Variants in BIN1 observed in about 807,000 individuals in gnomAD.
BIN1 encodes myc box-dependent-interacting protein 1.
A neutral mutation model predicts 82.0 loss-of-function variants in BIN1; 53 were observed. The ratio of observed to expected loss-of-function variants is 0.65; its 90% CI spans 0.52 to 0.81. BIN1 has a LOEUF of 0.81. BIN1 is among the 40% of genes least tolerant of loss of function. The pLI, the probability that BIN1 is intolerant of heterozygous loss-of-function variation, is 0.00. For missense variants in BIN1, 642 were observed against 784.4 expected (o/e 0.82, Z 2.17); for synonymous variants, 302 against 328.0 (o/e 0.92, Z 0.86).
chr2:127,051,113 G>C (rs375659793), intron 16 of BIN1, 41 bp downstream of exon 16: 10 of 1,607,316 alleles, frequency 6.2e-6, no homozygotes, highest in Middle Eastern at 1.8e-4. Context: ...GCAGGCGGGC[G>C]GCAGGGAGGA....
At position 127,059,056 on chromosome 2, in the gene BIN1, G is replaced by C. The variant is rs2276579; in HGVS notation, c.957C>G (p.Ala319=). 1.9e-6 allele frequency: 3 copies of C among 1,576,176 alleles called. No homozygotes were observed. In the African/African-American group the frequency reaches 4.0e-5, roughly 21 times the overall value. ...EIRVNHEPEP[A]GGATPGATLP... is the part of the protein sequence containing the mutation. Reference sequence around the variant, plus strand: ...GGGTGGCCCCGGGCGTGGCCCCGCCGGCCGGCTCTGGCTCGTGGTTGACTC... The same window carrying C: ...GGGTGGCCCCGGGCGTGGCCCCGCCCGCCGGCTCTGGCTCGTGGTTGACTC... The change falls in exon 11 of 19, where the codon GCC becomes GCG. Residue 319 remains alanine (A), a synonymous_variant. Coordinates refer to ENST00000316724, the MANE Select transcript of BIN1 (RefSeq NM_139343.3). This position sits in a 1 kb window ranked among gnomAD's most constrained non-coding sequence, Gnocchi z 6.7.
chr2:127,072,839 A>G (rs2105098732), intron 2 of BIN1, among the ~76,000 whole-genome samples: 1 of 152,240 alleles, frequency 6.6e-6, no homozygotes. Flanking sequence ...GGAAGGGTCC[A>G]CCTCACTCCT....
At chr2:127,060,483 A>T in intron 10 of BIN1, 5 of 1,506,112 alleles carry the variant, frequency 3.3e-6, no homozygotes, top group Non-Finnish European at 4.6e-6. Flanking sequence ...GCAGCACTGC[A>T]CACAGAGCCA....
chr2:127,051,376 C>A (rs2104869552), intron 15 of BIN1, 133 bp from the exon 16 acceptor site: 3 of 875,774 alleles, frequency 3.4e-6, no homozygotes, highest in African/African-American at 1.7e-5. Context: ...GGGTCTAGAG[C>A]TGCCCAGTGC....
At position 127,092,632 on chromosome 2, in the gene BIN1, G is replaced by A. The variant is rs115247124; in HGVS notation, c.84+14228C>T. Among the ~76,000 whole-genome samples the A allele has an allele frequency of 2.4e-3, 362 of 152,280 alleles. 2 individuals carry two copies. The highest frequency in any genetic ancestry group is 8.3e-3 in the African/African-American group (345 of 41,550). On this transcript the variant is annotated intron_variant, in intron 1 of 18. Coordinates refer to ENST00000316724, the MANE Select transcript of BIN1 (RefSeq NM_139343.3). ...GGCAGCAAGGGCCTCCCACTGACCC[G>A]CAGCCCCGGGCAAGTCACCAGCCTT...
intron 15 of BIN1, 117 bp from the exon 16 acceptor site, chr2:127,051,360 G>T: frequency 9.6e-7 from 1 of 1,045,116 alleles, no homozygotes. Flanking sequence ...CGCCTGGCTG[G>T]CAGCAGGGTC....
At chr2:127,063,830 A>G (rs1168272527) in intron 8 of BIN1, 103 bp downstream of exon 8, 8 of 1,454,270 alleles carry the variant, frequency 5.5e-6, no homozygotes, top group Admixed American at 1.8e-5. Context: ...CGCAGACTGG[A>G]CACCGCAGCA....
Position 127,067,009 on chromosome 2 carries a change from T to C in BIN1, c.612+1154A>G, listed in dbSNP as rs912175789. Among the ~76,000 whole-genome samples, 18 of 149,700 alleles carry C rather than the reference T, an allele frequency of 1.2e-4. No individual in the cohort carries two copies. Among genetic ancestry groups the C allele is most frequent in the Non-Finnish European group, 8.9e-5 (6 of 67,676 alleles). On this transcript the variant is annotated intron_variant, in intron 7 of 18. Coordinates refer to ENST00000316724, the MANE Select transcript of BIN1 (RefSeq NM_139343.3). The surrounding 1 kb of genome is among the most constrained non-coding windows in gnomAD (Gnocchi z 4.7). Reference sequence around the variant, plus strand: ...TTGCTTGAGTTGGGGAAGTCAAGGCTGCAGTGAGTCATGATCACACCACTG... The same window carrying C: ...TTGCTTGAGTTGGGGAAGTCAAGGCCGCAGTGAGTCATGATCACACCACTG...
In BIN1 at chr2:127,048,598, G is replaced by C. The variant is rs587783342; in HGVS notation, c.1710C>G (p.Asp570Glu). Residue 570 changes from aspartate (D) to glutamate (E), a missense_variant, in exon 19 of 19, where the codon GAC becomes GAG. By Grantham distance (45) the Asp-to-Glu change is conservative (BLOSUM62 2). Transcript: ENST00000316724. ...EGWLMGVKESDWNQHKELEKC... is the reference protein window; with the variant it reads ...EGWLMGVKESEWNQHKELEKC... ...TCTCCAGCTCCTTGTGCTGGTTCCA[G>C]TCGCTCTCCTTCACGCCCATGAGCC... The C allele has an allele frequency of 5.2e-5, 84 of 1,613,456 alleles. No homozygotes were observed. The highest frequency in any genetic ancestry group is 6.9e-5 in the Non-Finnish European group (82 of 1,180,032).
chr2:127,060,456 C>A, intron 10 of BIN1: 1 of 1,310,008 alleles, frequency 7.6e-7, no homozygotes. Context: ...CCAACACGCA[C>A]ACGACAGCCC....
chr2:127,060,619 C>T (rs1303801044), intron 10 of BIN1: 10 of 1,614,226 alleles, frequency 6.2e-6, no homozygotes, highest in African/African-American at 4.0e-5. Context: ...TGCGCAGCCG[C>T]GAAAACAGTT....
chr2:127,057,338 G>C lies in BIN1; in HGVS notation c.1131+135C>G. Reference sequence around the variant, plus strand: ...GAGGATGATGGATGGAGGGAACAAAGGGTGAGAGAGGGAAACTGACACTCT... The same window carrying C: ...GAGGATGATGGATGGAGGGAACAAACGGTGAGAGAGGGAAACTGACACTCT... On this transcript the variant is annotated intron_variant, in intron 12 of 18. Transcript: ENST00000316724. This position sits in a 1 kb window ranked among gnomAD's most constrained non-coding sequence, Gnocchi z 5.0. 1.6e-6 allele frequency: 2 copies of C among 1,221,766 alleles called. No homozygotes were observed. 75.7% of individuals were successfully genotyped at this position (1,221,766 alleles called of 1,614,324 possible).
In BIN1 at chr2:127,052,378, G is replaced by A. The variant is rs758722438; in HGVS notation, c.1264-16C>T. Reference sequence around the variant, plus strand: ...TCTCTGTGGGCTGGTAACAGGCCACGAGGAGAGAACAGGGAGGGGGCGGGG... The same window carrying A: ...TCTCTGTGGGCTGGTAACAGGCCACAAGGAGAGAACAGGGAGGGGGCGGGG... On this transcript the variant is annotated splice_polypyrimidine_tract_variant and intron_variant, in intron 14 of 18. Coordinates refer to ENST00000316724, the MANE Select transcript of BIN1 (RefSeq NM_139343.3). The A allele has an allele frequency of 4.4e-5, 69 of 1,564,616 alleles. No homozygotes were observed. The highest frequency in any genetic ancestry group is 1.7e-4 in the Admixed American group (9 of 53,230).
At chr2:127,075,545 G>A (rs1686469683) in intron 2 of BIN1, among the ~76,000 whole-genome samples, 1 of 152,188 alleles carries the variant, frequency 6.6e-6, no homozygotes, top group South Asian at 2.1e-4. Context: ...CTGGCCTAAA[G>A]GACAATCAGC....
At chr2:127,100,663 G>T (rs747538318) in intron 1 of BIN1, among the ~76,000 whole-genome samples, 7 of 152,216 alleles carry the variant, frequency 4.6e-5, no homozygotes, top group Non-Finnish European at 1.0e-4. Flanking sequence ...CTTCCCTGTA[G>T]CAGGAAGAGC....
At chr2:127,073,659 G>A (rs1025908928) in intron 2 of BIN1, among the ~76,000 whole-genome samples, 22 of 152,296 alleles carry the variant, frequency 1.4e-4, no homozygotes, top group East Asian at 3.9e-4. Context: ...TTCGGGGGGC[G>A]ACCTTCACTC....
chr2:127,069,286 A>T (rs995521362), intron 5 of BIN1, among the ~76,000 whole-genome samples: 7 of 152,116 alleles, frequency 4.6e-5, no homozygotes, highest in African/African-American at 9.7e-5. Flanking sequence ...GTGTCAGCCA[A>T]GTCTTTTCCT....
At chr2:127,063,254 T>C (rs1463382738) in intron 9 of BIN1, among the ~76,000 whole-genome samples, 3 of 152,200 alleles carry the variant, frequency 2.0e-5, no homozygotes, top group Non-Finnish European at 4.4e-5. Context: ...CACCATTGTC[T>C]AACACTGCAC....
chr2:127,049,492 G>A (rs918403275), intron 18 of BIN1, among the ~76,000 whole-genome samples: 3 of 152,146 alleles, frequency 2.0e-5, no homozygotes, highest in African/African-American at 4.8e-5. Context: ...CAGTAGGGTC[G>A]GCCTCATCCA....
Sources: allele counts gnomAD v4.1 joint callset (sites outside exome capture counted in the v4.1 genomes callset), GRCh38; gene constraint gnomAD v4.1.1; non-coding constraint Gnocchi (gnomAD v3.1); transcripts MANE v1.5; gene names NCBI Gene and HGNC (gene_info 2026-07-23, HGNC 2026-07-21).